The following GRM3 variants were observed in gnomAD, a reference collection of about 807,000 sequenced individuals.
The protein encoded by GRM3 is glutamate metabotropic receptor 3.
In GRM3, 26 loss-of-function variants were observed where a neutral mutation model predicts 70.5. That is an observed-to-expected ratio of 0.37 (90% CI 0.27 to 0.51). The LOEUF is 0.51. Among genes scored for constraint, GRM3 ranks in the 20% least tolerant of loss-of-function variants. The pLI is 0.93. For synonymous variants in GRM3, 443 were observed against 434.9 expected (o/e 1.02, Z -0.23); for missense variants, 859 against 1,123.8 (o/e 0.76, Z 3.37).
intron 3 of GRM3, among the ~76,000 whole-genome samples, chr7:86,816,685 A>G (rs1798023044): frequency 1.3e-5 from 2 of 151,846 alleles, no homozygotes; most frequent in African/African-American, 4.8e-5. Context: ...TTCTTTATCC[A>G]GTCTACTGTT....
At chr7:86,811,756 A>C (rs917274416) in intron 3 of GRM3, among the ~76,000 whole-genome samples, 5 of 151,756 alleles carry the variant, frequency 3.3e-5, no homozygotes, top group African/African-American at 1.2e-4. Context: ...AAAATATTTA[A>C]ATCTGATAAA....
At position 86,858,118 on chromosome 7, in the gene GRM3, G is replaced by A. The variant is rs547717948; in HGVS notation, c.2567-6164G>A. On this transcript the variant is annotated intron_variant, in intron 5 of 5. Coordinates refer to ENST00000361669, the MANE Select transcript of GRM3 (RefSeq NM_000840.3). ...ACTACAGGCACCCGCCACCACGCACGGCTAATTTTTTGTATTTTTAGTAGA... is the reference window on the plus strand; with the variant it reads ...ACTACAGGCACCCGCCACCACGCACAGCTAATTTTTTGTATTTTTAGTAGA... Among the ~76,000 whole-genome samples the A allele has an allele frequency of 1.7e-3, 256 of 151,780 alleles. 3 individuals carry two copies. The highest frequency in any genetic ancestry group is 5.9e-3 in the African/African-American group (245 of 41,412).
intron 1 of GRM3, among the ~76,000 whole-genome samples, chr7:86,662,727 G>A (rs1443712988): frequency 2.0e-5 from 3 of 151,708 alleles, no homozygotes; most frequent in Admixed American, 2.0e-4. Flanking sequence ...ATCAATTTCT[G>A]AAGCTATGAA....
chr7:86,665,868 C>T (rs1794011747), intron 1 of GRM3, among the ~76,000 whole-genome samples: 1 of 152,006 alleles, frequency 6.6e-6, no homozygotes, highest in South Asian at 2.1e-4. Flanking sequence ...TAAATGTTAA[C>T]TCAGAGTGTC....
At chr7:86,826,310 T>A (rs1452796879) in intron 3 of GRM3, among the ~76,000 whole-genome samples, 1 of 152,206 alleles carries the variant, frequency 6.6e-6, no homozygotes, top group Admixed American at 6.5e-5. Context: ...ACATTCTTGC[T>A]TGTGAGTTAG....
chr7:86,713,793 T>C (rs1386689477), intron 1 of GRM3, among the ~76,000 whole-genome samples: 2 of 152,018 alleles, frequency 1.3e-5, no homozygotes, highest in Non-Finnish European at 2.9e-5. Flanking sequence ...TATTGAATTA[T>C]TGAATTATTA....
intron 1 of GRM3, among the ~76,000 whole-genome samples, chr7:86,698,701 ATG>A (rs1371402947): frequency 1.3e-5 from 2 of 151,906 alleles, no homozygotes; most frequent in African/African-American, 4.8e-5. Flanking sequence ...GTCTGCTGAG[ATG>A]TTAATATCTG....
chr7:86,736,276 G>A (rs1168400469), intron 1 of GRM3, among the ~76,000 whole-genome samples: 1 of 152,200 alleles, frequency 6.6e-6, no homozygotes, highest in African/African-American at 2.4e-5. Context: ...TCAGGGGCCA[G>A]ATGCTAGTTC....
chr7:86,681,905 A>G (rs1393812989), intron 1 of GRM3, among the ~76,000 whole-genome samples: 1 of 152,206 alleles, frequency 6.6e-6, no homozygotes, highest in Non-Finnish European at 1.5e-5. Flanking sequence ...GGTGGTGTAT[A>G]ATATTCACAT....
At chr7:86,712,837 C>T (rs1795229273) in intron 1 of GRM3, among the ~76,000 whole-genome samples, 1 of 152,066 alleles carries the variant, frequency 6.6e-6, no homozygotes, top group Admixed American at 6.6e-5. Context: ...GCCTGAATAA[C>T]ATTTCATTGT....
chr7:86,859,402 C>T (rs1320164034), intron 5 of GRM3, among the ~76,000 whole-genome samples: 2 of 152,138 alleles, frequency 1.3e-5, no homozygotes, highest in Non-Finnish European at 2.9e-5. Context: ...ATACAATTCT[C>T]CTGAAATGGA....
chr7:86,699,595 C>G (rs1161535413), intron 1 of GRM3, among the ~76,000 whole-genome samples: 2 of 151,982 alleles, frequency 1.3e-5, no homozygotes, highest in Non-Finnish European at 2.9e-5. Flanking sequence ...TTAAAATATT[C>G]TTTGGTTTTC....
intron 2 of GRM3, chr7:86,775,800 CCT>C (rs926881012): frequency 6.6e-6 from 1 of 152,054 alleles, no homozygotes; most frequent in Non-Finnish European, 1.5e-5. Flanking sequence ...AACCTCATTT[CCT>C]CTTTCTCTGC....
intron 3 of GRM3, among the ~76,000 whole-genome samples, chr7:86,799,004 A>G (rs1797621502): frequency 6.6e-6 from 1 of 152,176 alleles, no homozygotes; most frequent in Non-Finnish European, 1.5e-5. Flanking sequence ...AGTCTTGGGT[A>G]TGTCTTTATT....
chr7:86,803,622 A>G (rs1797728098), intron 3 of GRM3, among the ~76,000 whole-genome samples: 1 of 152,196 alleles, frequency 6.6e-6, no homozygotes, highest in African/African-American at 2.4e-5. Flanking sequence ...CCAGCCTTCT[A>G]CTTTTTGCTG....
chr7:86,721,609 G>A (rs1795465386), intron 1 of GRM3, among the ~76,000 whole-genome samples: 1 of 152,058 alleles, frequency 6.6e-6, no homozygotes, highest in African/African-American at 2.4e-5. Context: ...GTCCAACACT[G>A]TGCTTTATAA....
intron 1 of GRM3, among the ~76,000 whole-genome samples, chr7:86,654,815 C>T (rs1294480721): frequency 1.3e-5 from 2 of 152,174 alleles, no homozygotes; most frequent in Non-Finnish European, 2.9e-5. Flanking sequence ...TGAGTGCCTA[C>T]TGTGTGTTCA....
chr7:86,656,832 G>A (rs1793757447), intron 1 of GRM3, among the ~76,000 whole-genome samples: 1 of 151,968 alleles, frequency 6.6e-6, no homozygotes, highest in South Asian at 2.1e-4. Context: ...AAGACTTATA[G>A]GAATCAATGT....
At chr7:86,743,091 C>G (rs116816840) in intron 1 of GRM3, among the ~76,000 whole-genome samples, 3,296 of 152,168 alleles carry the variant, frequency 0.022, 106 homozygotes, top group African/African-American at 0.073. Flanking sequence ...ACAAAGCAAG[C>G]ACTCTTCTCA....
Sources: gnomAD v4.1 joint callset for allele counts (sites outside exome capture counted in the v4.1 genomes callset) on GRCh38, gnomAD v4.1.1 for gene constraint, MANE v1.5 for transcripts, NCBI Gene and HGNC (gene_info 2026-07-23, HGNC 2026-07-21) for gene names.